Variants in FOCAD observed in about 807,000 individuals in gnomAD.
The protein encoded by FOCAD is KIAA1797.
Under a neutral mutation model 225.6 loss-of-function variants are expected in FOCAD, and 198 were observed. That is an observed-to-expected ratio of 0.88 (90% confidence interval 0.78 to 0.99). FOCAD has a LOEUF of 0.99. Among genes scored for constraint, FOCAD ranks in the 50% least tolerant of loss-of-function variants. FOCAD has a pLI of 0.00. For missense variants in FOCAD, 2,713 were observed against 2,123.6 expected, an observed-to-expected ratio of 1.28 and a Z score of -5.46; for synonymous variants, 897 against 755.0, an observed-to-expected ratio of 1.19 and a Z score of -3.08.
chr9:20,751,403 A>G (rs1365008154), intron 5 of FOCAD, among the ~76,000 whole-genome samples: 6 of 90,934 alleles, frequency 6.6e-5, no homozygotes, highest in Non-Finnish European at 1.3e-4. Flanking sequence ...GAGTGAGAAT[A>G]TGCAGTGTTT....
chr9:20,919,185 G>A (rs895741571), intron 24 of FOCAD, among the ~76,000 whole-genome samples: 2 of 152,106 alleles, frequency 1.3e-5, no homozygotes, highest in East Asian at 1.9e-4. Flanking sequence ...CAAACAGAGA[G>A]CCACATCATG....
chr9:20,801,210 T>C (rs939270969), intron 11 of FOCAD, among the ~76,000 whole-genome samples: 1 of 152,146 alleles, frequency 6.6e-6, no homozygotes, highest in African/African-American at 2.4e-5. Context: ...AATATATTCA[T>C]CTAAGCTAGA....
intron 11 of FOCAD, among the ~76,000 whole-genome samples, chr9:20,800,682 G>A (rs999316092): frequency 4.3e-4 from 66 of 152,196 alleles, no homozygotes; most frequent in African/African-American, 1.4e-3. Flanking sequence ...TTCTCGTGCC[G>A]TGGTTTTCAG....
intron 21 of FOCAD, among the ~76,000 whole-genome samples, chr9:20,898,938 T>A (rs565093748): frequency 3.3e-5 from 5 of 151,980 alleles, no homozygotes; most frequent in Admixed American, 3.3e-4. Context: ...TTCACAAGTG[T>A]TTCTCAGGAT....
intron 28 of FOCAD, among the ~76,000 whole-genome samples, chr9:20,943,303 C>T (rs776264758): frequency 2.0e-5 from 3 of 152,118 alleles, no homozygotes; most frequent in Admixed American, 6.6e-5. Flanking sequence ...AGCTTCTTTA[C>T]GAAGGATTTT....
At chr9:20,734,391 C>T (rs1253337320) in intron 4 of FOCAD, among the ~76,000 whole-genome samples, 1 of 152,192 alleles carries the variant, frequency 6.6e-6, no homozygotes, top group East Asian at 1.9e-4. Context: ...CTATAAAAAA[C>T]ATTTATATGC....
At chr9:20,885,938 G>A (rs540295266) in intron 21 of FOCAD, among the ~76,000 whole-genome samples, 1 of 152,270 alleles carries the variant, frequency 6.6e-6, no homozygotes, top group South Asian at 2.1e-4. Flanking sequence ...TCAGTTATAA[G>A]TAAAAATATA....
At chr9:20,791,748 G>A (rs948956768) in intron 11 of FOCAD, among the ~76,000 whole-genome samples, 9 of 152,186 alleles carry the variant, frequency 5.9e-5, no homozygotes, top group South Asian at 2.1e-4. Context: ...GCCATCCTGG[G>A]TAGAATAGAA....
rs201871025 is a variant in FOCAD, at chr9:20,770,517, A to G, written c.906+279A>G. On this transcript the variant is annotated intron_variant, in intron 8 of 43. Transcript: ENST00000338382. ...TTTAAACAACCAGATCTCAATCACT[A>G]TCACAAGAACAGCACCAGGAGGATT... 1.1e-4 allele frequency among the ~76,000 whole-genome samples: 17 copies of G among 152,318 alleles called. No homozygotes were observed. In the East Asian group the frequency reaches 1.9e-3, roughly 17 times the overall value.
chr9:20,767,574 A>G (rs1187875288), intron 7 of FOCAD, among the ~76,000 whole-genome samples: 2 of 151,620 alleles, frequency 1.3e-5, no homozygotes, highest in Non-Finnish European at 1.5e-5. Flanking sequence ...TCTGATGGCC[A>G]GTGATAATGA....
chr9:20,893,226 G>GT lies in FOCAD; in HGVS notation c.2625+8004dup, dbSNP rs576967434. On this transcript the variant is annotated intron_variant, in intron 21 of 43. Coordinates refer to ENST00000338382, the MANE Select transcript of FOCAD (RefSeq NM_001375567.1). ...ATTTTAAAACTAAGGTATGTACATT[G>GT]TTTTTTTTAAATACATAATGCTGTT... Among the ~76,000 whole-genome samples, 40 of 151,752 alleles carry GT rather than the reference G, an allele frequency of 2.6e-4. No individual in the cohort carries two copies. The East Asian group carries it at 6.8e-3, about 26-fold the overall frequency.
intron 35 of FOCAD, among the ~76,000 whole-genome samples, chr9:20,973,206 T>G (rs1404420351): frequency 6.6e-6 from 1 of 152,016 alleles, no homozygotes; most frequent in African/African-American, 2.4e-5. Flanking sequence ...TGCCTTATTC[T>G]GGTTCCCTCT....
At chr9:20,835,248 C>G (rs1182291653) in intron 15 of FOCAD, among the ~76,000 whole-genome samples, 2 of 151,924 alleles carry the variant, frequency 1.3e-5, no homozygotes, top group Non-Finnish European at 2.9e-5. Context: ...GCATTACGTC[C>G]TGTATTAAAC....
chr9:20,959,979 C>G (rs986077836), intron 35 of FOCAD, among the ~76,000 whole-genome samples: 24 of 151,944 alleles, frequency 1.6e-4, no homozygotes, highest in African/African-American at 5.6e-4. Context: ...AATTGTCTTC[C>G]TTTTTTAATA....
intron 26 of FOCAD, among the ~76,000 whole-genome samples, chr9:20,928,167 C>T (rs1835136697): frequency 6.6e-6 from 1 of 152,136 alleles, no homozygotes; most frequent in Admixed American, 6.5e-5. Context: ...TTCTCATATG[C>T]TGCTTAGTTC....
intron 11 of FOCAD, among the ~76,000 whole-genome samples, chr9:20,803,099 A>G (rs1168199162): frequency 6.6e-6 from 1 of 152,066 alleles, no homozygotes; most frequent in Admixed American, 6.5e-5. Flanking sequence ...TTAAATTTTT[A>G]ATGTTAGAGG....
intron 6 of FOCAD, among the ~76,000 whole-genome samples, chr9:20,760,265 C>A (rs936548432): frequency 3.3e-5 from 5 of 152,202 alleles, no homozygotes; most frequent in South Asian, 2.1e-4. Flanking sequence ...CCCTTTGGCT[C>A]TGTTTTCATA....
At chr9:20,779,568 T>C (rs1819154521) in intron 9 of FOCAD, among the ~76,000 whole-genome samples, 1 of 152,094 alleles carries the variant, frequency 6.6e-6, no homozygotes, top group Non-Finnish European at 1.5e-5. Flanking sequence ...GGTAATATGG[T>C]GAAACCCTGT....
At chr9:20,847,252 A>G (rs1827209285) in intron 15 of FOCAD, among the ~76,000 whole-genome samples, 2 of 152,058 alleles carry the variant, frequency 1.3e-5, no homozygotes, top group South Asian at 4.1e-4. Context: ...CGAGCCCTAC[A>G]CAACCAATAA....
Sources: gnomAD v4.1 joint callset for allele counts (sites outside exome capture counted in the v4.1 genomes callset) on GRCh38, gnomAD v4.1.1 for gene constraint, MANE v1.5 for transcripts, NCBI Gene and HGNC (gene_info 2026-07-23, HGNC 2026-07-21) for gene names.